Variants in ARHGAP8 observed in about 807,000 individuals in gnomAD.
The protein encoded by ARHGAP8 is Rho GTPase activating protein 8.
In ARHGAP8, 62 loss-of-function variants were observed where a neutral mutation model predicts 46.1. The observed-to-expected ratio is 1.34, with a 90% CI of 1.10 to 1.66. The LOEUF (loss-of-function observed/expected upper bound fraction) is 1.66, where lower values mean the gene tolerates loss of function less well. Among genes scored for constraint, ARHGAP8 ranks in the 40% most tolerant of loss-of-function variants. The pLI, the probability that ARHGAP8 is intolerant of heterozygous loss-of-function variation, is 0.00. For missense variants in ARHGAP8, 923 were observed against 568.4 expected (o/e 1.62, Z -6.34); for synonymous variants, 375 against 243.1 (o/e 1.54, Z -5.05).
In ARHGAP8 at chr22:44,786,604, C is replaced by T. The variant is rs748242254; in HGVS notation, c.77C>T (p.Ala26Val). The change falls in exon 2 of 12, where the codon GCA (alanine) becomes GTA (valine). Residue 26 changes from alanine (A) to valine (V), a missense_variant and splice_region_variant. Coordinates refer to ENST00000356099, the MANE Select transcript of ARHGAP8 (RefSeq NM_181335.3). ...GCCAGACATGGCATTCTGCAGGTGG[C>T]AGGTAGGGCCCCAGCTGGGCAGTCT... ...DVARHGILQV[A>V]GDDRFGRRVV... 2 of 1,612,816 alleles carry T rather than the reference C, an allele frequency of 1.2e-6. No homozygotes were observed. Among genetic ancestry groups the T allele is most frequent in the South Asian group, 1.1e-5 (1 of 90,860 alleles).
chr22:44,861,589 T>C (rs2070487980), intron 11 of ARHGAP8, among the ~76,000 whole-genome samples: 1 of 152,216 alleles, frequency 6.6e-6, no homozygotes, highest in African/African-American at 2.4e-5. Flanking sequence ...CACCGCCTCA[T>C]GACCCCTGTT....
At chr22:44,861,508 C>G (rs910504045) in intron 11 of ARHGAP8, among the ~76,000 whole-genome samples, 3 of 151,758 alleles carry the variant, frequency 2.0e-5, no homozygotes, top group Non-Finnish European at 4.4e-5. Context: ...CTCACCTGAG[C>G]ATCCTCAACA....
chr22:44,762,545 T>G (rs1330680383), intron 1 of ARHGAP8, among the ~76,000 whole-genome samples: 1 of 30,898 alleles, frequency 3.2e-5, no homozygotes, highest in African/African-American at 1.1e-4. Flanking sequence ...CTCTCTCTCT[T>G]TTTTTTTTTT....
At chr22:44,861,928 C>G (rs4823402) in intron 11 of ARHGAP8, among the ~76,000 whole-genome samples, 89,990 of 151,950 alleles carry the variant, frequency 0.59, 26,879 homozygotes, top group Admixed American at 0.67. Context: ...AGAGCCGAGG[C>G]CAGAGAGGTC....
At chr22:44,823,867 G>T (rs142300247) in intron 6 of ARHGAP8, among the ~76,000 whole-genome samples, 1 of 152,160 alleles carries the variant, frequency 6.6e-6, no homozygotes, top group Non-Finnish European at 1.5e-5. Context: ...AACACTGAGG[G>T]TGCAGGGTCC....
At chr22:44,792,865 T>C (rs896449945) in intron 2 of ARHGAP8, among the ~76,000 whole-genome samples, 3 of 151,474 alleles carry the variant, frequency 2.0e-5, no homozygotes, top group Non-Finnish European at 2.9e-5. Context: ...ACTCTGTTGC[T>C]CAGGCTGGAG....
chr22:44,861,678 A>C (rs1407117526), intron 11 of ARHGAP8, among the ~76,000 whole-genome samples: 2 of 152,170 alleles, frequency 1.3e-5, no homozygotes, highest in African/African-American at 4.8e-5. Flanking sequence ...ACGTTGGTCC[A>C]CATGGCCCCC....
At chr22:44,773,903 G>A (rs1179614992) in intron 1 of ARHGAP8, among the ~76,000 whole-genome samples, 1 of 152,192 alleles carries the variant, frequency 6.6e-6, no homozygotes, top group African/African-American at 2.4e-5. Flanking sequence ...TTATTAATAT[G>A]CCATTTATAC....
chr22:44,860,289 T>G (rs1190719923), intron 11 of ARHGAP8, among the ~76,000 whole-genome samples: 2 of 152,096 alleles, frequency 1.3e-5, no homozygotes, highest in East Asian at 3.9e-4. Flanking sequence ...AGATTTACTG[T>G]GTCACTCTTC....
rs139219391 is a variant in ARHGAP8, at chr22:44,827,881, G to A, written c.596+2288G>A. Among the ~76,000 whole-genome samples, 1,123 of 152,288 alleles carry A rather than the reference G, an allele frequency of 7.4e-3. 11 individuals are homozygous for A. The highest frequency in any genetic ancestry group is 0.026 in the African/African-American group (1,073 of 41,554). On this transcript the variant is annotated intron_variant, in intron 7 of 11. Coordinates refer to ENST00000356099, the MANE Select transcript of ARHGAP8 (RefSeq NM_181335.3). ...GGGTGTATCACAGCTAAAGAGGACT[G>A]CTGGTGCCCCAGCGTCGGTCCCTAG...
intron 7 of ARHGAP8, among the ~76,000 whole-genome samples, chr22:44,834,077 G>T (rs963045878): frequency 2.0e-5 from 3 of 151,782 alleles, no homozygotes; most frequent in Non-Finnish European, 4.4e-5. Context: ...TTGTCAATTT[G>T]TTGATCTTTT....
At chr22:44,761,258 C>A (rs769875952) in intron 1 of ARHGAP8, among the ~76,000 whole-genome samples, 2 of 152,150 alleles carry the variant, frequency 1.3e-5, no homozygotes, top group Non-Finnish European at 2.9e-5. Context: ...GCTCTGCATC[C>A]GTGGCCTCTG....
intron 1 of ARHGAP8, among the ~76,000 whole-genome samples, chr22:44,760,527 G>A (rs752140959): frequency 7.2e-5 from 11 of 152,154 alleles, no homozygotes; most frequent in Non-Finnish European, 1.3e-4. Flanking sequence ...GTTCCAAAAC[G>A]AGAGCCTGCA....
intron 7 of ARHGAP8, among the ~76,000 whole-genome samples, chr22:44,835,594 A>T (rs1193321751): frequency 6.6e-6 from 1 of 152,170 alleles, no homozygotes; most frequent in Non-Finnish European, 1.5e-5. Context: ...GCACTCCAGC[A>T]TGGCAACAGA....
intron 10 of ARHGAP8, among the ~76,000 whole-genome samples, chr22:44,857,662 G>C (rs565820607): frequency 6.6e-6 from 1 of 152,218 alleles, no homozygotes; most frequent in African/African-American, 2.4e-5. Context: ...CCTTCCCTCT[G>C]GGTATAGGGA....
chr22:44,832,801 G>A (rs1358767957), intron 7 of ARHGAP8, among the ~76,000 whole-genome samples: 2 of 152,146 alleles, frequency 1.3e-5, no homozygotes, highest in African/African-American at 4.8e-5. Context: ...AATGATAAGA[G>A]CAGACATGGT....
chr22:44,761,362 T>C (rs132452), intron 1 of ARHGAP8, among the ~76,000 whole-genome samples: 12,250 of 152,232 alleles, frequency 0.08, 564 homozygotes, highest in Non-Finnish European at 0.099. Context: ...GAAAAGAAAA[T>C]AAATGGTTGT....
intron 3 of ARHGAP8, among the ~76,000 whole-genome samples, chr22:44,805,247 A>G (rs2147086392): frequency 6.6e-6 from 1 of 152,326 alleles, no homozygotes; most frequent in South Asian, 2.1e-4. Flanking sequence ...TGTTCTTATA[A>G]AGACAAAAGT....
intron 10 of ARHGAP8, among the ~76,000 whole-genome samples, chr22:44,857,586 C>T (rs6007332): frequency 0.15 from 22,592 of 151,982 alleles, 2,171 homozygotes; most frequent in African/African-American, 0.28. Flanking sequence ...GGAAGTGCGA[C>T]GGACAGGGGA....
Sources: allele counts gnomAD v4.1 joint callset (sites outside exome capture counted in the v4.1 genomes callset), GRCh38; gene constraint gnomAD v4.1.1; transcripts MANE v1.5; gene names NCBI Gene and HGNC (gene_info 2026-07-23, HGNC 2026-07-21).